Variants in CFAP144 observed in about 807,000 individuals in gnomAD.
The protein encoded by CFAP144 is cilia- and flagella-associated protein 144.
the CFAP144 span, chr1:43,148,225 ACCATGAC>A: frequency 1.1e-6 from 1 of 871,948 alleles, no homozygotes; most frequent in Admixed American, 2.9e-5. Context: ...GATTTCAGGA[ACCATGAC>A]TTTGGAGAGG....
At chr1:43,143,336 C>T in the CFAP144 span, among the ~76,000 whole-genome samples, 74 of 152,150 alleles carry the variant, frequency 4.9e-4, no homozygotes, top group Non-Finnish European at 9.1e-4. Context: ...AGGAACTGTC[C>T]GTAAAGAAGC....
the CFAP144 span, among the ~76,000 whole-genome samples, chr1:43,144,192 A>C: frequency 2.0e-5 from 3 of 152,200 alleles, no homozygotes. Context: ...ATAGTATCCC[A>C]AAAACAAGGA....
the CFAP144 span, among the ~76,000 whole-genome samples, chr1:43,153,336 G>A: frequency 1.3e-5 from 2 of 152,278 alleles, no homozygotes; most frequent in East Asian, 1.9e-4. Flanking sequence ...GTGGCTGAGC[G>A]TAGTGGCTCA....
the CFAP144 span, among the ~76,000 whole-genome samples, chr1:43,155,857 C>T: frequency 6.6e-6 from 1 of 152,192 alleles, no homozygotes; most frequent in African/African-American, 2.4e-5. Flanking sequence ...TCTATAAGAT[C>T]GATGTGTCAG....
At chr1:43,154,310 T>C in the CFAP144 span, among the ~76,000 whole-genome samples, 1 of 146,164 alleles carries the variant, frequency 6.8e-6, no homozygotes, top group Non-Finnish European at 1.5e-5. Context: ...AAATTATATA[T>C]AAATAAAAAT....
the CFAP144 span, among the ~76,000 whole-genome samples, chr1:43,146,043 A>G: frequency 5.9e-5 from 9 of 152,218 alleles, no homozygotes; most frequent in South Asian, 4.1e-4. Context: ...AGAAAAAATT[A>G]AGCTGGATTC....
At chr1:43,145,600 A>T in the CFAP144 span, among the ~76,000 whole-genome samples, 1 of 152,224 alleles carries the variant, frequency 6.6e-6, no homozygotes, top group Non-Finnish European at 1.5e-5. Context: ...GCAGTCTAGA[A>T]GGCAAGAATG....
At chr1:43,149,931 C>T in the CFAP144 span, among the ~76,000 whole-genome samples, 1 of 152,170 alleles carries the variant, frequency 6.6e-6, no homozygotes, top group Non-Finnish European at 1.5e-5. Context: ...CCACTACTCT[C>T]CATCCAGCTC....
At chr1:43,147,917 G>A in the CFAP144 span, 1 of 1,610,644 alleles carries the variant, frequency 6.2e-7, no homozygotes, top group East Asian at 2.2e-5. Flanking sequence ...GACTGTGGAA[G>A]GCCCAGGCAA....
At chr1:43,153,005 AG>A in the CFAP144 span, 5 of 1,526,864 alleles carry the variant, frequency 3.3e-6, no homozygotes, top group Non-Finnish European at 3.6e-6. Flanking sequence ...AGAATAGAGC[AG>A]GGGGCCAGAC....
the CFAP144 span, among the ~76,000 whole-genome samples, chr1:43,145,745 C>T: frequency 1.3e-5 from 2 of 152,154 alleles, no homozygotes; most frequent in Non-Finnish European, 2.9e-5. Flanking sequence ...TTGACAAGCT[C>T]ATTATAATTT....
At chr1:43,150,958 A>T in the CFAP144 span, 1 of 670,994 alleles carries the variant, frequency 1.5e-6, no homozygotes, top group South Asian at 1.8e-5. Flanking sequence ...ACTCATACTA[A>T]CCAAGCTCAA....
chr1:43,147,363 G>T, the CFAP144 span, among the ~76,000 whole-genome samples: 1 of 146,948 alleles, frequency 6.8e-6, no homozygotes, highest in African/African-American at 2.6e-5. Flanking sequence ...ATTATATTAC[G>T]TGCATTTTAA....
chr1:43,156,211 C>T, the CFAP144 span: 2 of 1,613,872 alleles, frequency 1.2e-6, no homozygotes, highest in Non-Finnish European at 1.7e-6. Flanking sequence ...TCTAGATCAA[C>T]CCAGAACGCC....
At chr1:43,156,333 A>T in the CFAP144 span, 1 of 1,567,982 alleles carries the variant, frequency 6.4e-7, no homozygotes, top group Non-Finnish European at 8.8e-7. Context: ...GGATGAGCCC[A>T]TCTGTGGATC....
At chr1:43,150,887 C>T in the CFAP144 span, 12 of 1,320,020 alleles carry the variant, frequency 9.1e-6, no homozygotes, top group Non-Finnish European at 1.3e-5. Context: ...GGAGAGACCT[C>T]TCAGGGTCGT....
At chr1:43,152,802 T>A in the CFAP144 span, 4 of 1,588,174 alleles carry the variant, frequency 2.5e-6, no homozygotes, top group Admixed American at 6.9e-5. Flanking sequence ...GCCTGACTCC[T>A]TCATAACTCA....
chr1:43,148,760 A>G, the CFAP144 span, among the ~76,000 whole-genome samples: 3 of 152,122 alleles, frequency 2.0e-5, no homozygotes, highest in Non-Finnish European at 4.4e-5. Context: ...GATCAGAATC[A>G]TTCACTCTCA....
At chr1:43,155,306 T>C in the CFAP144 span, among the ~76,000 whole-genome samples, 3 of 152,230 alleles carry the variant, frequency 2.0e-5, no homozygotes, top group Non-Finnish European at 4.4e-5. Flanking sequence ...AGTAAAGACC[T>C]GGCTCACACA....
Sources: allele counts gnomAD v4.1 joint callset (sites outside exome capture counted in the v4.1 genomes callset), GRCh38; gene constraint gnomAD v4.1.1; transcripts MANE v1.5; gene names NCBI Gene and HGNC (gene_info 2026-07-23, HGNC 2026-07-21).